The following PHKB variants were observed in gnomAD, a reference collection of about 807,000 sequenced individuals.
The protein encoded by PHKB is phosphorylase b kinase regulatory subunit beta.
Under a neutral mutation model 152.1 loss-of-function variants are expected in PHKB, and 122 were observed. That is an observed-to-expected ratio of 0.80 (90% confidence interval 0.69 to 0.93). PHKB has a LOEUF of 0.93. Ranked by LOEUF, PHKB falls within the 40% of genes least tolerant of loss-of-function variation. PHKB has a pLI of 0.00. For missense variants in PHKB, 1,304 were observed against 1,328.4 expected (o/e 0.98, Z 0.29); for synonymous variants, 436 against 464.9 (o/e 0.94, Z 0.80).
intron 1 of PHKB, among the ~76,000 whole-genome samples, chr16:47,488,163 T>C (rs895127932): frequency 1.3e-5 from 2 of 152,346 alleles, no homozygotes; most frequent in East Asian, 3.9e-4. Context: ...CTCATTGTGG[T>C]TCTGAATTGC....
At chr16:47,595,378 C>T (rs1203874135) in intron 12 of PHKB, among the ~76,000 whole-genome samples, 1 of 152,136 alleles carries the variant, frequency 6.6e-6, no homozygotes, top group Non-Finnish European at 1.5e-5. Context: ...ATTAAGTTTA[C>T]TGTGGGCTAA....
intron 7 of PHKB, 160 bp downstream of exon 7, chr16:47,547,708 A>T (rs751182388): frequency 2.2e-5 from 13 of 600,810 alleles, no homozygotes; most frequent in Non-Finnish European, 3.5e-5. Flanking sequence ...AAATTAACAC[A>T]AAAGAGCCCA....
chr16:47,587,602 A>G, intron 8 of PHKB, 66 bp from the exon 9 acceptor site: 1 of 1,240,568 alleles, frequency 8.1e-7, no homozygotes, highest in Non-Finnish European at 1.2e-6. Flanking sequence ...TTTCACAGTC[A>G]AAATGCCAAA....
rs1012235008 is a variant in PHKB, at chr16:47,641,684, C to T, written c.1600C>T (p.Leu534Phe). ...EPIQIWPQQE[L>F]VKAYLQLGIN... ...CATTCAGATATGGCCTCAGCAGGAG[C>T]TTGTGAAAGTAAGTGATTCTGCCTT... is the stretch of plus-strand genomic sequence containing the variant. Residue 534 changes from leucine to phenylalanine, a missense_variant, in exon 16 of 31, where the codon CTT becomes TTT. Coordinates refer to ENST00000323584, the MANE Select transcript of PHKB (RefSeq NM_000293.3). 1.3e-6 allele frequency: 2 copies of T among 1,562,676 alleles called. No individual in the cohort carries two copies. Among genetic ancestry groups the T allele is most frequent in the Non-Finnish European group, 1.8e-6 (2 of 1,133,334 alleles).
At chr16:47,692,281 T>C (rs778604120) in intron 27 of PHKB, among the ~76,000 whole-genome samples, 6 of 152,200 alleles carry the variant, frequency 3.9e-5, no homozygotes, top group Non-Finnish European at 5.9e-5. Flanking sequence ...TAATTGAGTA[T>C]ACATTTCACT....
intron 13 of PHKB, chr16:47,598,748 G>T: frequency 4.4e-6 from 7 of 1,587,250 alleles, no homozygotes; most frequent in Non-Finnish European, 6.0e-6. Context: ...TTTAGTTCAT[G>T]TTCAGCCTAA....
At chr16:47,513,155 C>G (rs1417288932) in intron 5 of PHKB, among the ~76,000 whole-genome samples, 3 of 152,156 alleles carry the variant, frequency 2.0e-5, no homozygotes, top group African/African-American at 7.2e-5. Context: ...CATAGTTGGC[C>G]TTAAATAAAT....
intron 6 of PHKB, among the ~76,000 whole-genome samples, chr16:47,532,361 G>A (rs1261416042): frequency 6.6e-6 from 1 of 152,218 alleles, no homozygotes; most frequent in African/African-American, 2.4e-5. Context: ...GGTGTTATGG[G>A]ATCCTTGGGG....
At chr16:47,655,389 A>G (rs1245435857) in intron 20 of PHKB, among the ~76,000 whole-genome samples, 2 of 152,224 alleles carry the variant, frequency 1.3e-5, no homozygotes, top group Admixed American at 6.5e-5. Context: ...ATCATAAGCT[A>G]TCAGTTTTAG....
At chr16:47,516,751 A>C (rs1031333558) in intron 6 of PHKB, among the ~76,000 whole-genome samples, 4 of 152,200 alleles carry the variant, frequency 2.6e-5, no homozygotes, top group Admixed American at 2.0e-4. Context: ...CAATAAATAA[A>C]TTCTATTTAG....
At chr16:47,560,235 ATC>A (rs1971453249) in intron 7 of PHKB, among the ~76,000 whole-genome samples, 1 of 152,222 alleles carries the variant, frequency 6.6e-6, no homozygotes, top group Non-Finnish European at 1.5e-5. Flanking sequence ...TTGTTCCCTC[ATC>A]TTAAAAGTAG....
At chr16:47,688,681 C>CTTT (rs75628138) in intron 26 of PHKB, among the ~76,000 whole-genome samples, 3 of 124,668 alleles carry the variant, frequency 2.4e-5, no homozygotes, top group Admixed American at 8.2e-5. Flanking sequence ...GCTCTCTTTC[C>CTTT]TTTTTTTTTT....
At chr16:47,606,360 T>C (rs1224554334) in intron 13 of PHKB, among the ~76,000 whole-genome samples, 1 of 152,228 alleles carries the variant, frequency 6.6e-6, no homozygotes, top group African/African-American at 2.4e-5. Context: ...AATTTATAAA[T>C]AGCTATGGAA....
intron 8 of PHKB, among the ~76,000 whole-genome samples, chr16:47,581,846 A>G (rs746236555): frequency 6.6e-6 from 1 of 152,100 alleles, no homozygotes; most frequent in East Asian, 1.9e-4. Flanking sequence ...CGCCCGGCTA[A>G]TTTTTGTATT....
Position 47,497,493 on chromosome 16 carries a change from G to T in PHKB, c.166+5G>T. ...TGGACCATTATTACAGAATTGGTGA[G>T]TAAAACCTGAGGAAAACGTGTCCTT... On this transcript the variant is annotated splice_donor_5th_base_variant and intron_variant, in intron 2 of 30. Coordinates refer to ENST00000323584, the MANE Select transcript of PHKB (RefSeq NM_000293.3). 1 of 1,564,742 alleles carries T rather than the reference G, an allele frequency of 6.4e-7. No homozygotes were observed.
chr16:47,534,897 AAC>A, intron 6 of PHKB, among the ~76,000 whole-genome samples: 1 of 152,248 alleles, frequency 6.6e-6, no homozygotes, highest in Non-Finnish European at 1.5e-5. Context: ...GTGGCAGAAT[AAC>A]ATAAAATTTA....
chr16:47,544,225 A>T (rs888083465), intron 6 of PHKB, among the ~76,000 whole-genome samples: 24 of 152,194 alleles, frequency 1.6e-4, no homozygotes, highest in African/African-American at 5.5e-4. Flanking sequence ...ATAGGCATTT[A>T]GTGCTATAAA....
chr16:47,627,753 T>C (rs1361523377), intron 14 of PHKB, among the ~76,000 whole-genome samples: 1 of 152,226 alleles, frequency 6.6e-6, no homozygotes, highest in African/African-American at 2.4e-5. Context: ...AACTTTCCTC[T>C]GCTTTCCTAT....
intron 4 of PHKB, among the ~76,000 whole-genome samples, chr16:47,510,242 G>A (rs1456758224): frequency 6.6e-6 from 1 of 152,182 alleles, no homozygotes; most frequent in Non-Finnish European, 1.5e-5. Context: ...ATGTAGGCAT[G>A]ATTGATTAAA....
Sources: allele counts gnomAD v4.1 joint callset (sites outside exome capture counted in the v4.1 genomes callset), GRCh38; gene constraint gnomAD v4.1.1; transcripts MANE v1.5; gene names NCBI Gene and HGNC (gene_info 2026-07-23, HGNC 2026-07-21).